ZNF536: variants seen among roughly 807,000 people sequenced by gnomAD.
ZNF536 encodes zinc finger protein 536.
In ZNF536, 13 loss-of-function variants were observed where a neutral mutation model predicts 84.5. The ratio of observed to expected loss-of-function variants is 0.15; its 90% CI spans 0.10 to 0.24. ZNF536 has a LOEUF of 0.24. ZNF536 is among the 10% of genes least tolerant of loss of function. The pLI is 1.00. For missense variants in ZNF536, 1,536 were observed against 1,747.5 expected (o/e 0.88, Z 2.16); for synonymous variants, 811 against 742.5 (o/e 1.09, Z -1.50).
intron 1 of ZNF536, among the ~76,000 whole-genome samples, chr19:30,684,267 TG>T (rs1277750639): frequency 6.6e-6 from 1 of 152,124 alleles, no homozygotes; most frequent in East Asian, 1.9e-4. Flanking sequence ...CCTGAGTAAC[TG>T]GGACGACAGA....
rs145022288 is a variant in ZNF536, at chr19:30,262,255, C to T, written c.-189-21817C>T. Among the ~76,000 whole-genome samples the T allele has an allele frequency of 2.3e-3, 346 of 152,356 alleles. 1 individual carries two copies. Among genetic ancestry groups the T allele is most frequent in the Middle Eastern group, 6.8e-3 (2 of 294 alleles). On this transcript the variant is annotated intron_variant, in intron 1 of 5. Coordinates refer to the ZNF536 transcript ENST00000585628. The stretch of plus-strand genomic sequence containing the variant: ...GGTCTCCTCATTGTCCTCTCTTCCT[C>T]CTTTTCCATGGCGGCTGCCCAGGAC...
At chr19:30,524,224 ATC>A (rs2044484063) in intron 2 of ZNF536, among the ~76,000 whole-genome samples, 1 of 152,196 alleles carries the variant, frequency 6.6e-6, no homozygotes, top group Non-Finnish European at 1.5e-5. Flanking sequence ...TTTATCATGT[ATC>A]TCTTTGTTGC....
chr19:30,407,867 A>T (rs1296774109), intron 1 of ZNF536, among the ~76,000 whole-genome samples: 3 of 152,162 alleles, frequency 2.0e-5, no homozygotes, highest in Non-Finnish European at 4.4e-5. Flanking sequence ...GGAAATACAG[A>T]TGGTTTCCAA....
chr19:30,567,009 C>T (rs188730994), intron 1 of ZNF536, among the ~76,000 whole-genome samples: 6 of 146,892 alleles, frequency 4.1e-5, no homozygotes, highest in East Asian at 2.2e-4. Flanking sequence ...GCGGTCCCCG[C>T]GTGTGGCCTC....
At chr19:30,493,089 CTTTTTTTT>C (rs201787656) in intron 2 of ZNF536, among the ~76,000 whole-genome samples, 2 of 71,604 alleles carry the variant, frequency 2.8e-5, no homozygotes, top group African/African-American at 6.7e-5. Context: ...ATATTACTCA[CTTTTTTTT>C]TTTTTTTTTT....
At chr19:30,455,262 G>A (rs2052784873) in intron 2 of ZNF536, among the ~76,000 whole-genome samples, 3 of 152,098 alleles carry the variant, frequency 2.0e-5, no homozygotes, top group Non-Finnish European at 2.9e-5. Context: ...AATAATCACT[G>A]TGAACACTTT....
intron 1 of ZNF536, among the ~76,000 whole-genome samples, chr19:30,398,667 G>T (rs2147462182): frequency 6.6e-6 from 1 of 152,200 alleles, no homozygotes; most frequent in East Asian, 1.9e-4. Context: ...CTGTTAGTTT[G>T]CTGAGAATGA....
rs1054984235 is a variant in ZNF536, at chr19:30,228,928, C to G, written c.-190+255C>G. On this transcript the variant is annotated intron_variant, in intron 1 of 5. Transcript: ENST00000585628. The surrounding 1 kb of genome is among the most constrained non-coding windows in gnomAD (Gnocchi z 4.5). ...CCACGCGTGTACCTGTGGCGAGACT[C>G]GGGAGGCGATCTTGGGGGGCGCGCG... Among the ~76,000 whole-genome samples the G allele has an allele frequency of 4.0e-5, 6 of 150,534 alleles. No homozygotes were observed. Among genetic ancestry groups the G allele is most frequent in the Non-Finnish European group, 3.0e-5 (2 of 67,698 alleles).
chr19:30,405,294 T>C (rs1005152655), intron 1 of ZNF536, among the ~76,000 whole-genome samples: 2 of 152,158 alleles, frequency 1.3e-5, no homozygotes, highest in South Asian at 4.2e-4. Flanking sequence ...CAGAAAAAGA[T>C]CAGAAATATT....
intron 1 of ZNF536, among the ~76,000 whole-genome samples, chr19:30,397,018 G>A (rs981609414): frequency 1.3e-5 from 2 of 152,120 alleles, no homozygotes; most frequent in Non-Finnish European, 2.9e-5. Flanking sequence ...GCTCCCAGTT[G>A]GCCCTTCCAC....
chr19:30,566,115 G>T (rs143511950), intron 1 of ZNF536, among the ~76,000 whole-genome samples: 1 of 152,196 alleles, frequency 6.6e-6, no homozygotes, highest in South Asian at 2.1e-4. Context: ...AAAATCAGTC[G>T]TGGCCTTTGG....
At chr19:30,554,092 C>T (rs973029060) in intron 4 of ZNF536, 7 of 138,618 alleles carry the variant, frequency 5.0e-5, no homozygotes, top group African/African-American at 2.4e-4. Flanking sequence ...GACCCCCCCC[C>T]CTCCCAAGAA....
At chr19:30,600,905 CCTGGAAAAGTGAACG>C (rs2047661177) in intron 1 of ZNF536, among the ~76,000 whole-genome samples, 1 of 152,180 alleles carries the variant, frequency 6.6e-6, no homozygotes, top group Non-Finnish European at 1.5e-5. Context: ...TCCGTTGATT[CCTGGAAAAGTGAACG>C]CTTGTTTTAT....
chr19:30,406,700 A>G (rs1427631742), intron 1 of ZNF536, among the ~76,000 whole-genome samples: 1 of 152,168 alleles, frequency 6.6e-6, no homozygotes, highest in African/African-American at 2.4e-5. Flanking sequence ...TGCCTGACAC[A>G]GAGTGACCCC....
At chr19:30,480,243 C>T (rs912049268) in intron 2 of ZNF536, among the ~76,000 whole-genome samples, 9 of 152,122 alleles carry the variant, frequency 5.9e-5, no homozygotes, top group East Asian at 3.9e-4. Flanking sequence ...CTCAGGCTCC[C>T]GTGGGTCAAC....
intron 1 of ZNF536, among the ~76,000 whole-genome samples, chr19:30,661,332 T>C (rs1228372141): frequency 5.3e-5 from 8 of 152,212 alleles, no homozygotes; most frequent in East Asian, 1.9e-4. Context: ...TGAATAGTGG[T>C]CATGATATCC....
intron 1 of ZNF536, among the ~76,000 whole-genome samples, chr19:30,400,161 TG>T (rs2049989771): frequency 6.6e-6 from 1 of 152,186 alleles, no homozygotes; most frequent in Non-Finnish European, 1.5e-5. Context: ...AGAATTTGGC[TG>T]TTATAGCCAA....
At chr19:30,675,767 A>G (rs2147775350) in intron 1 of ZNF536, among the ~76,000 whole-genome samples, 1 of 152,368 alleles carries the variant, frequency 6.6e-6, no homozygotes, top group African/African-American at 2.4e-5. Flanking sequence ...CAGAGGAGAC[A>G]AAAAGATGGC....
At chr19:30,709,866 C>T (rs113549605) in intron 1 of ZNF536, among the ~76,000 whole-genome samples, 36 of 152,320 alleles carry the variant, frequency 2.4e-4, no homozygotes, top group African/African-American at 8.4e-4. Context: ...ACTGACTTGC[C>T]TCAGCCTCCC....
Sources: gnomAD v4.1 joint callset for allele counts (sites outside exome capture counted in the v4.1 genomes callset) on GRCh38, gnomAD v4.1.1 for gene constraint, Gnocchi (gnomAD v3.1) non-coding constraint, MANE v1.5 for transcripts, NCBI Gene and HGNC (gene_info 2026-07-23, HGNC 2026-07-21) for gene names.